The following FRMD4A variants were observed in gnomAD, a reference collection of about 807,000 sequenced individuals.
FRMD4A encodes FERM domain-containing protein 4A.
Under a neutral mutation model 129.1 loss-of-function variants are expected in FRMD4A, and 29 were observed. That is an observed-to-expected ratio of 0.22 (90% confidence interval 0.17 to 0.31). The LOEUF (loss-of-function observed/expected upper bound fraction) is 0.31, where lower values mean the gene tolerates loss of function less well. Among genes scored for constraint, FRMD4A ranks in the 10% least tolerant of loss-of-function variants. FRMD4A has a pLI of 1.00. For synonymous variants in FRMD4A, 634 were observed against 571.6 expected (o/e 1.11, Z -1.56); for missense variants, 1,272 against 1,375.8 (o/e 0.92, Z 1.19).
At chr10:14,320,125 C>A (rs1215055241) in intron 2 of FRMD4A, among the ~76,000 whole-genome samples, 1 of 152,126 alleles carries the variant, frequency 6.6e-6, no homozygotes, top group Non-Finnish European at 1.5e-5. Context: ...TGCCTCTAAA[C>A]TGGCCCTCTC....
chr10:13,914,060 C>T (rs1469417264), intron 2 of FRMD4A, among the ~76,000 whole-genome samples: 1 of 152,142 alleles, frequency 6.6e-6, no homozygotes, highest in African/African-American at 2.4e-5. Flanking sequence ...GAGGTCAAAG[C>T]CCTGGGCAGT....
At chr10:13,899,304 G>A (rs1264060928) in intron 2 of FRMD4A, among the ~76,000 whole-genome samples, 1 of 152,196 alleles carries the variant, frequency 6.6e-6, no homozygotes, top group East Asian at 1.9e-4. Context: ...GTATTAGGCA[G>A]TGCTAGAGCT....
At chr10:13,835,200 G>A (rs1488900740) in intron 3 of FRMD4A, among the ~76,000 whole-genome samples, 1 of 152,194 alleles carries the variant, frequency 6.6e-6, no homozygotes, top group Non-Finnish European at 1.5e-5. Context: ...GTGGAGCTGT[G>A]TGAACCTCAG....
intron 2 of FRMD4A, among the ~76,000 whole-genome samples, chr10:14,289,155 T>C (rs1329023947): frequency 6.6e-6 from 1 of 152,218 alleles, no homozygotes; most frequent in Non-Finnish European, 1.5e-5. Context: ...TGCTGGTTTA[T>C]ATGATAATTC....
At chr10:13,661,074 C>A (rs1171961445) in intron 19 of FRMD4A, among the ~76,000 whole-genome samples, 1 of 152,136 alleles carries the variant, frequency 6.6e-6, no homozygotes, top group Non-Finnish European at 1.5e-5. Flanking sequence ...ATTGTAAATA[C>A]CTGCTGGGTG....
At chr10:13,987,546 A>G (rs1963966) in intron 2 of FRMD4A, among the ~76,000 whole-genome samples, 23,351 of 152,102 alleles carry the variant, frequency 0.15, 3,449 homozygotes, top group African/African-American at 0.38. Context: ...CAAGCAGCCA[A>G]GCTGAGACCC....
intron 14 of FRMD4A, among the ~76,000 whole-genome samples, chr10:13,700,278 C>CCA (rs112741640): frequency 2.4e-4 from 37 of 151,460 alleles, no homozygotes; most frequent in South Asian, 1.7e-3. Flanking sequence ...TATCACCTCC[C>CCA]CCTTGACCCC....
chr10:14,088,428 G>C (rs1201756559), intron 2 of FRMD4A, among the ~76,000 whole-genome samples: 1 of 145,568 alleles, frequency 6.9e-6, no homozygotes, highest in Non-Finnish European at 1.5e-5. Context: ...CTGGGTGACA[G>C]AACAAGACTC....
chr10:14,174,566 G>GTTCA (rs1564363274), intron 2 of FRMD4A, among the ~76,000 whole-genome samples: 1 of 102,394 alleles, frequency 9.8e-6, no homozygotes, highest in East Asian at 2.6e-4. Context: ...TCATTCATTC[G>GTTCA]TTCATCATTC....
chr10:14,037,997 T>C (rs4508098), intron 2 of FRMD4A, among the ~76,000 whole-genome samples: 31,123 of 152,134 alleles, frequency 0.2, 3,685 homozygotes, highest in East Asian at 0.43. Context: ...AGAAACATGT[T>C]AGAACCATCT....
At chr10:14,319,421 G>T (rs976791885) in intron 2 of FRMD4A, among the ~76,000 whole-genome samples, 10 of 143,848 alleles carry the variant, frequency 7.0e-5, no homozygotes, top group Non-Finnish European at 1.1e-4. Context: ...GTGAGGTTTA[G>T]TAATAGTTTG....
chr10:14,012,583 A>G (rs551469249), intron 2 of FRMD4A, among the ~76,000 whole-genome samples: 1 of 152,140 alleles, frequency 6.6e-6, no homozygotes, highest in Non-Finnish European at 1.5e-5. Context: ...GAGGGGGAAG[A>G]GTCTGCCGAG....
At position 13,644,257 on chromosome 10, in the gene FRMD4A, T is replaced by C. The variant is rs554224847; in HGVS notation, c.*2781A>G. ...CATCCGAAGAATCCAATAGGGGCTTTATATCAGACCAAGGACTTCGTATTT... is the reference window on the plus strand; with the variant it reads ...CATCCGAAGAATCCAATAGGGGCTTCATATCAGACCAAGGACTTCGTATTT... On this transcript the variant is annotated 3_prime_UTR_variant, in exon 25 of 25. Coordinates refer to ENST00000357447, the MANE Select transcript of FRMD4A (RefSeq NM_018027.5). 2.4e-4 allele frequency: 36 copies of C among 152,388 alleles called. 1 individual carries two copies. The highest frequency in any genetic ancestry group is 7.9e-4 in the African/African-American group (33 of 41,588). The allele number at this position is 152,388 out of a possible 1,614,324, so 9.4% of individuals were successfully genotyped here.
intron 2 of FRMD4A, among the ~76,000 whole-genome samples, chr10:13,926,143 A>G (rs1347976285): frequency 6.6e-6 from 1 of 152,070 alleles, no homozygotes; most frequent in Admixed American, 6.6e-5. Flanking sequence ...GCTTCTGTAT[A>G]TTGTGCATTA....
rs553300807 is a variant in FRMD4A, at chr10:14,010,211, C to T, written c.46-151299G>A. ...AGCCCCGGGGAGCTGAATTTATTTA[C>T]ATTTGACTAAATGCAACTTCCTGTT... On this transcript the variant is annotated intron_variant, in intron 2 of 24. Transcript: ENST00000357447. Among the ~76,000 whole-genome samples, 14 of 152,286 alleles carry T rather than the reference C, an allele frequency of 9.2e-5. No individual in the cohort carries two copies. The East Asian group carries it at 2.7e-3, about 29-fold the overall frequency.
In FRMD4A at chr10:14,195,082, T is replaced by A. The variant is rs12245295; in HGVS notation, c.45+134976A>T. On this transcript the variant is annotated intron_variant, in intron 2 of 24. Transcript: ENST00000357447. ...AGCAATTCTTATTCTCAGGGTAGGC[T>A]CACACAGAACAATAAGAATTGGTAG... Among the ~76,000 whole-genome samples, 1,440 of 152,326 alleles carry A rather than the reference T, an allele frequency of 9.5e-3. 25 individuals carry two copies. The highest frequency in any genetic ancestry group is 0.033 in the African/African-American group (1,389 of 41,564).
chr10:14,039,356 A>AACTG (rs1464619660), intron 2 of FRMD4A, among the ~76,000 whole-genome samples: 14 of 128,586 alleles, frequency 1.1e-4, no homozygotes, highest in Admixed American at 2.6e-4. Flanking sequence ...TCACTTTCTG[A>AACTG]TCTGTCCGTC....
chr10:13,651,971 T>G lies in FRMD4A; in HGVS notation c.3054A>C (p.Glu1018Asp). ...PHHILTWQTG[E>D]ATENSPILDG... ...CCAGAATGGGTGAGTTTTCTGTTGCTTCTCTGAACAAAGGAAAGCAGGAGG... is the reference window on the plus strand; with the variant it reads ...CCAGAATGGGTGAGTTTTCTGTTGCGTCTCTGAACAAAGGAAAGCAGGAGG... Residue 1018 changes from glutamate to aspartate, a missense_variant, in exon 24 of 25, where the codon GAA becomes GAC. Glu to Asp is a conservative substitution (Grantham distance 45). Around this residue, in one of 2 missense-constraint regions of FRMD4A, gnomAD observed 972 missense variants for 892.3 expected, o/e 1.09. Transcript: ENST00000357447. 1.9e-6 allele frequency: 3 copies of G among 1,572,086 alleles called. No individual in the cohort carries two copies. The highest frequency in any genetic ancestry group is 2.6e-6 in the Non-Finnish European group (3 of 1,141,754).
intron 2 of FRMD4A, among the ~76,000 whole-genome samples, chr10:13,940,214 G>A (rs748758835): frequency 7.9e-5 from 12 of 152,162 alleles, no homozygotes; most frequent in East Asian, 3.9e-4. Flanking sequence ...TCAGAGCAGC[G>A]TCAACTGAGG....
Sources: gnomAD v4.1 joint callset for allele counts (sites outside exome capture counted in the v4.1 genomes callset) on GRCh38, gnomAD v4.1.1 for gene constraint, gnomAD v4.1.1 regional missense constraint, MANE v1.5 for transcripts, NCBI Gene and HGNC (gene_info 2026-07-23, HGNC 2026-07-21) for gene names.